Variants in MAN1C1 observed in about 807,000 individuals in gnomAD.
MAN1C1 encodes the protein mannosidase alpha class 1C member 1.
Under a neutral mutation model 71.5 loss-of-function variants are expected in MAN1C1, and 49 were observed. That is an observed-to-expected ratio of 0.69 (90% CI 0.54 to 0.87). The LOEUF is 0.87. Among genes scored for constraint, MAN1C1 ranks in the 40% least tolerant of loss-of-function variants. The pLI, the probability that MAN1C1 is intolerant of heterozygous loss-of-function variation, is 0.00. For synonymous variants in MAN1C1, 352 were observed against 343.7 expected, an observed-to-expected ratio of 1.02 and a Z score of -0.27; for missense variants, 743 against 835.0, an observed-to-expected ratio of 0.89 and a Z score of 1.36.
chr1:25,729,979 C>G (rs1211587861), intron 2 of MAN1C1, among the ~76,000 whole-genome samples: 1 of 152,166 alleles, frequency 6.6e-6, no homozygotes, highest in East Asian at 1.9e-4. Context: ...CACAAGGCTT[C>G]ATAATCATTC....
Position 25,725,333 on chromosome 1 carries a change from G to A in MAN1C1, c.638-21335G>A, listed in dbSNP as rs115915088. ...AGAGATGCAAAGGTGCACTGGCCAC[G>A]TCCCTTGCCTCGAAAGAGTTCTCTT... On this transcript the variant is annotated intron_variant, in intron 2 of 11. Transcript: ENST00000374332. This position sits in a 1 kb window ranked among gnomAD's most constrained non-coding sequence, Gnocchi z 4.8. Among the ~76,000 whole-genome samples, 414 of 152,322 alleles carry A rather than the reference G, an allele frequency of 2.7e-3. 1 individual carries two copies. Among genetic ancestry groups the A allele is most frequent in the Non-Finnish European group, 4.9e-3 (330 of 68,024 alleles).
At chr1:25,761,313 C>T (rs895489890) in intron 6 of MAN1C1, 9 of 152,114 alleles carry the variant, frequency 5.9e-5, no homozygotes, top group African/African-American at 1.9e-4. Flanking sequence ...AATTCCAGGG[C>T]ATCAGATAAA....
chr1:25,777,641 G>A (rs1413152567), intron 8 of MAN1C1: 3 of 154,286 alleles, frequency 1.9e-5, no homozygotes, highest in Non-Finnish European at 4.3e-5. Flanking sequence ...TTTTCTGCAG[G>A]TTCTTTTTGA....
rs574264032 is a variant in MAN1C1 at position 25,767,862 on chromosome 1, C to A, written c.1142-3795C>A. 1.8e-3 allele frequency among the ~76,000 whole-genome samples: 202 copies of A among 111,580 alleles called. 1 individual carries two copies. Among genetic ancestry groups the A allele is most frequent in the African/African-American group, 7.6e-3 (191 of 25,198 alleles). 73.2% of individuals were successfully genotyped at this position (111,580 alleles called of 152,430 possible). A position where few individuals can be genotyped will look rare whatever the true frequency, so the allele number is the denominator to read the frequency against. On this transcript the variant is annotated intron_variant, in intron 7 of 11. Transcript: ENST00000374332. ...TACACACACATTACATACACTCCCC[C>A]CACACACTCCCCTCACATACATTCA...
chr1:25,680,753 G>T (rs948303568), intron 1 of MAN1C1, among the ~76,000 whole-genome samples: 1 of 152,204 alleles, frequency 6.6e-6, no homozygotes, highest in Non-Finnish European at 1.5e-5. Flanking sequence ...GGTTATTACA[G>T]ATAGTGCCAC....
At position 25,771,727 on chromosome 1, in the gene MAN1C1, C is replaced by A; in HGVS notation, c.1212C>A (p.Gly404=). The change falls in exon 8 of 12, where the codon GGC becomes GGA. Residue 404 remains glycine, a synonymous_variant. Transcript: ENST00000374332. ...EYLIKSWLMS[G]KTDMEAKNMY... ...TGATCAAATCCTGGTTGATGTCGGGCAAGACAGATATGGAGGCTAAAAATA... is the reference window on the plus strand; with the variant it reads ...TGATCAAATCCTGGTTGATGTCGGGAAAGACAGATATGGAGGCTAAAAATA... 6.2e-7 allele frequency: 1 copy of A among 1,614,138 alleles called. No homozygotes were observed. The highest frequency in any genetic ancestry group is 1.7e-5 in the Admixed American group (1 of 60,030).
intron 1 of MAN1C1, among the ~76,000 whole-genome samples, chr1:25,633,724 A>G (rs1350668731): frequency 6.6e-6 from 1 of 152,142 alleles, no homozygotes; most frequent in African/African-American, 2.4e-5. Flanking sequence ...GTATTCTGCC[A>G]TTCTGCCAAT....
At chr1:25,770,183 C>G (rs1479113234) in intron 7 of MAN1C1, among the ~76,000 whole-genome samples, 1 of 152,246 alleles carries the variant, frequency 6.6e-6, no homozygotes, top group Non-Finnish European at 1.5e-5. Flanking sequence ...GGTGCCACTT[C>G]TCTCTTCCCT....
intron 2 of MAN1C1, among the ~76,000 whole-genome samples, chr1:25,710,545 T>G (rs564340272): frequency 4.0e-4 from 61 of 152,350 alleles, no homozygotes; most frequent in African/African-American, 1.3e-3. Flanking sequence ...ACTATTAATA[T>G]TAAAAATCCT....
intron 7 of MAN1C1, among the ~76,000 whole-genome samples, chr1:25,766,951 G>A (rs1020438005): frequency 4.6e-5 from 7 of 151,970 alleles, no homozygotes; most frequent in East Asian, 1.9e-4. Flanking sequence ...GCATTGGCAC[G>A]GTCAGGAAGC....
At position 25,775,340 on chromosome 1, in the gene MAN1C1, G is replaced by T. The variant is rs948053691; in HGVS notation, c.1258-2765G>T. Among the ~76,000 whole-genome samples the T allele has an allele frequency of 6.6e-6, 1 of 152,248 alleles. No homozygotes were observed. Among genetic ancestry groups the T allele is most frequent in the Admixed American group, 6.5e-5 (1 of 15,286 alleles). ...CAGCACTCCCCCATGTGGAGCAGGT[G>T]CCCTGGCATGTCACATTGTCAGCGC... is the stretch of plus-strand genomic sequence containing the variant. On this transcript the variant is annotated intron_variant, in intron 8 of 11. Transcript: ENST00000374332. This position sits in a 1 kb window ranked among gnomAD's most constrained non-coding sequence, Gnocchi z 5.1.
Position 25,618,288 on chromosome 1 carries a change from G to C in MAN1C1, c.491G>C (p.Ser164Thr). 1 of 1,604,018 alleles carries C rather than the reference G, an allele frequency of 6.2e-7. No homozygotes were observed. Among genetic ancestry groups the C allele is most frequent in the Non-Finnish European group, 8.5e-7 (1 of 1,177,014 alleles). Residue 164 changes from serine (S) to threonine (T), a missense_variant, in exon 1 of 12, where the codon AGT (serine) becomes ACT (threonine). Ser to Thr is a moderately conservative substitution (Grantham distance 58). Coordinates refer to ENST00000374332, the MANE Select transcript of MAN1C1 (RefSeq NM_020379.4). The stretch of plus-strand genomic sequence containing the variant: ...GTCCTGGGAACGAGGGCCGATGAGA[G>C]TCAGGAGCCCCAGAGCCAAGTGCGA... ...HPVLGTRADE[S>T]QEPQSQVRAQ...
At chr1:25,656,093 G>GTTTTTTTTTTTTTTTT (rs1557751359) in intron 1 of MAN1C1, among the ~76,000 whole-genome samples, 7 of 79,882 alleles carry the variant, frequency 8.8e-5, no homozygotes, top group African/African-American at 5.4e-4. Context: ...GGGATTATCA[G>GTTTTTTTTTTTTTTTT]TCTTTTTTTT....
At chr1:25,657,018 G>T (rs1190573020) in intron 1 of MAN1C1, among the ~76,000 whole-genome samples, 1 of 152,118 alleles carries the variant, frequency 6.6e-6, no homozygotes, top group African/African-American at 2.4e-5. Flanking sequence ...GTAGAGACGG[G>T]GTTTCACCGT....
intron 1 of MAN1C1, among the ~76,000 whole-genome samples, chr1:25,653,459 T>C (rs1400476198): frequency 6.6e-6 from 1 of 152,198 alleles, no homozygotes; most frequent in Non-Finnish European, 1.5e-5. Flanking sequence ...AACCATCTTT[T>C]TGTGTTGTGT....
chr1:25,740,119 C>T (rs576497778), intron 2 of MAN1C1, among the ~76,000 whole-genome samples: 30 of 152,234 alleles, frequency 2.0e-4, no homozygotes, highest in African/African-American at 6.5e-4. Context: ...CAGATCCGTG[C>T]GTGATGCCCC....
intron 1 of MAN1C1, among the ~76,000 whole-genome samples, chr1:25,636,630 A>C (rs916635113): frequency 3.3e-5 from 5 of 152,222 alleles, no homozygotes; most frequent in Non-Finnish European, 7.3e-5. Flanking sequence ...ATATTGTTCA[A>C]ACACACATGT....
chr1:25,629,181 A>G (rs2045343772), intron 1 of MAN1C1, among the ~76,000 whole-genome samples: 1 of 152,226 alleles, frequency 6.6e-6, no homozygotes, highest in African/African-American at 2.4e-5. Context: ...ACTGTTTTCC[A>G]TAGAGGCTGT....
At chr1:25,771,413 C>T (rs2047549264) in intron 7 of MAN1C1, among the ~76,000 whole-genome samples, 1 of 152,148 alleles carries the variant, frequency 6.6e-6, no homozygotes. Context: ...TTTATAGCAC[C>T]CGCCGGATGA....
Sources: allele counts gnomAD v4.1 joint callset (sites outside exome capture counted in the v4.1 genomes callset), GRCh38; gene constraint gnomAD v4.1.1; non-coding constraint Gnocchi (gnomAD v3.1); transcripts MANE v1.5; gene names NCBI Gene and HGNC (gene_info 2026-07-23, HGNC 2026-07-21).